Variants in PLXNA4 observed in about 807,000 individuals in gnomAD.
The protein encoded by PLXNA4 is plexin A4.
In PLXNA4, 44 loss-of-function variants were observed where a neutral mutation model predicts 191.8. That is an observed-to-expected ratio of 0.23 (90% CI 0.18 to 0.29). The LOEUF is 0.29. Ranked by LOEUF, PLXNA4 falls within the 10% of genes least tolerant of loss-of-function variation. The pLI, the probability that PLXNA4 is intolerant of heterozygous loss-of-function variation, is 1.00. For synonymous variants in PLXNA4, 1,082 were observed against 1,009.5 expected, an observed-to-expected ratio of 1.07 and a Z score of -1.36; for missense variants, 1,800 against 2,488.8, an observed-to-expected ratio of 0.72 and a Z score of 5.89.
intron 3 of PLXNA4, among the ~76,000 whole-genome samples, chr7:132,451,259 G>T (rs1333689639): frequency 6.6e-6 from 1 of 152,152 alleles, no homozygotes; most frequent in South Asian, 2.1e-4. Flanking sequence ...GAGCGGCTGG[G>T]TTATATTCCA....
intron 1 of PLXNA4, among the ~76,000 whole-genome samples, chr7:132,511,227 C>G (rs1335477618): frequency 2.0e-5 from 3 of 152,204 alleles, no homozygotes; most frequent in Non-Finnish European, 4.4e-5. Context: ...CATGCAAATA[C>G]TTTCACATAG....
At chr7:132,218,508 GA>G (rs1398018790) in intron 9 of PLXNA4, among the ~76,000 whole-genome samples, 1 of 152,296 alleles carries the variant, frequency 6.6e-6, no homozygotes, top group Admixed American at 6.5e-5. Flanking sequence ...GTTTAGATGA[GA>G]AAAAACAGCA....
intron 28 of PLXNA4, among the ~76,000 whole-genome samples, chr7:132,145,912 A>G (rs1233796907): frequency 8.4e-6 from 1 of 119,336 alleles, no homozygotes; most frequent in Admixed American, 8.4e-5. Context: ...TCTACTAAAA[A>G]TACAAAAAAA....
intron 1 of PLXNA4, among the ~76,000 whole-genome samples, chr7:132,529,142 C>A (rs1799524817): frequency 6.6e-6 from 1 of 152,194 alleles, no homozygotes; most frequent in African/African-American, 2.4e-5. Flanking sequence ...CAAAGCCAGC[C>A]CCAGTCCATA....
Position 132,130,541 on chromosome 7 carries a change from C to T in PLXNA4, c.5623G>A (p.Gly1875Arg), listed in dbSNP as rs1309008455. ...LGPLDHDDQC[G>R]KQKLAYKLEQ... is the part of the protein sequence containing the mutation. ...AGTTTGTAGGCCAGTTTCTGCTTCCCACACTGGTCATCGTGGTCCAGAGGT... is the reference window on the plus strand; with the variant it reads ...AGTTTGTAGGCCAGTTTCTGCTTCCTACACTGGTCATCGTGGTCCAGAGGT... Residue 1875 changes from glycine (G) to arginine (R), a missense_variant, in exon 32 of 32, where the codon GGG becomes AGG. Around this residue, in one of 6 missense-constraint regions of PLXNA4, gnomAD observed 83 missense variants for 81.6 expected, o/e 1.02. Transcript: ENST00000321063. 2 of 1,614,036 alleles carry T rather than the reference C, an allele frequency of 1.2e-6. No individual in the cohort carries two copies. The highest frequency in any genetic ancestry group is 2.7e-5 in the African/African-American group (2 of 74,914).
At chr7:132,211,903 G>A (rs1797814817) in intron 9 of PLXNA4, among the ~76,000 whole-genome samples, 1 of 152,222 alleles carries the variant, frequency 6.6e-6, no homozygotes, top group Non-Finnish European at 1.5e-5. Flanking sequence ...GCTTTGTCCA[G>A]GGAGGGCTGG....
At chr7:132,145,092 T>G in intron 29 of PLXNA4, 27 bp downstream of exon 29, 1 of 1,613,582 alleles carries the variant, frequency 6.2e-7, no homozygotes, top group South Asian at 1.1e-5. Flanking sequence ...GGGCTCCCGA[T>G]GTGCCCCCTG....
chr7:132,553,578 C>T (rs1202873221), intron 1 of PLXNA4, among the ~76,000 whole-genome samples: 1 of 152,158 alleles, frequency 6.6e-6, no homozygotes, highest in Non-Finnish European at 1.5e-5. Flanking sequence ...TAGCAAAGCA[C>T]CCCTGCACCA....
chr7:132,444,595 T>A (rs1316988530), intron 3 of PLXNA4, among the ~76,000 whole-genome samples: 1 of 152,198 alleles, frequency 6.6e-6, no homozygotes, highest in African/African-American at 2.4e-5. Context: ...GAATGGCAGG[T>A]GTCATCTAAT....
intron 3 of PLXNA4, among the ~76,000 whole-genome samples, chr7:132,442,635 G>A (rs1355174405): frequency 6.6e-6 from 1 of 152,036 alleles, no homozygotes; most frequent in East Asian, 1.9e-4. Context: ...GTCCCCCTCC[G>A]CAAACTTCCC....
chr7:132,571,529 C>A (rs1384680724), intron 1 of PLXNA4, among the ~76,000 whole-genome samples: 1 of 152,124 alleles, frequency 6.6e-6, no homozygotes, highest in African/African-American at 2.4e-5. Flanking sequence ...AATGAATGAA[C>A]AAGTGTCAAG....
intron 3 of PLXNA4, among the ~76,000 whole-genome samples, chr7:132,406,936 T>A (rs1794244844): frequency 6.6e-6 from 1 of 151,950 alleles, no homozygotes; most frequent in African/African-American, 2.4e-5. Flanking sequence ...AAACTCAACT[T>A]TCTAGGCCTC....
At chr7:132,196,757 C>G (rs2116836311) in intron 13 of PLXNA4, among the ~76,000 whole-genome samples, 1 of 152,316 alleles carries the variant, frequency 6.6e-6, no homozygotes, top group South Asian at 2.1e-4. Context: ...TCTCATGACT[C>G]TCTCCTGCAC....
At chr7:132,426,241 C>T (rs1174963086) in intron 3 of PLXNA4, among the ~76,000 whole-genome samples, 4 of 152,248 alleles carry the variant, frequency 2.6e-5, no homozygotes, top group African/African-American at 7.2e-5. Context: ...CATGGCTCAT[C>T]AGCCCTTCAA....
At chr7:132,151,282 GAGGAGGAGGAAGAAGA>G (rs1179751095) in intron 25 of PLXNA4, among the ~76,000 whole-genome samples, 71 of 79,238 alleles carry the variant, frequency 9.0e-4, no homozygotes, top group African/African-American at 1.9e-3. Context: ...GAAGAAGGAG[GAGGAGGAGGAAGAAGA>G]AGGAGGAGGA....
intron 3 of PLXNA4, among the ~76,000 whole-genome samples, chr7:132,457,159 G>T (rs554078901): frequency 1.3e-5 from 2 of 152,228 alleles, no homozygotes; most frequent in African/African-American, 4.8e-5. Context: ...AACATGTTAC[G>T]TGTAACCATG....
chr7:132,401,483 A>G (rs989804549), intron 3 of PLXNA4, among the ~76,000 whole-genome samples: 1 of 152,334 alleles, frequency 6.6e-6, no homozygotes, highest in Non-Finnish European at 1.5e-5. Flanking sequence ...TCCAGAAACA[A>G]TCAGCATGTG....
Position 132,512,555 on chromosome 7 carries a change from G to T in PLXNA4, c.-86-3776C>A, listed in dbSNP as rs559616224. 9.2e-5 allele frequency among the ~76,000 whole-genome samples: 14 copies of T among 152,220 alleles called. No homozygotes were observed. In the South Asian group the frequency reaches 2.9e-3, roughly 32 times the overall value. ...CCTTTCATTTTACACACTAAGAAAG[G>T]GACTGATTAGGAAACAAATAAGAGA... On this transcript the variant is annotated intron_variant, in intron 1 of 31. Transcript: ENST00000321063.
chr7:132,187,671 C>A, intron 14 of PLXNA4, 64 bp from the exon 15 acceptor site: 2 of 1,522,164 alleles, frequency 1.3e-6, no homozygotes, highest in East Asian at 2.4e-5. Context: ...TCTGGGCAGG[C>A]GTGAGGCAGC....
Sources: allele counts gnomAD v4.1 joint callset (sites outside exome capture counted in the v4.1 genomes callset), GRCh38; gene constraint gnomAD v4.1.1; regional missense constraint gnomAD v4.1.1; transcripts MANE v1.5; gene names NCBI Gene and HGNC (gene_info 2026-07-23, HGNC 2026-07-21).